The following LRRIQ1 variants were observed in gnomAD, a reference collection of about 807,000 sequenced individuals.
LRRIQ1 encodes leucine-rich repeat- and IQ domain-containing protein 1.
Under a neutral mutation model 211.9 loss-of-function variants are expected in LRRIQ1, and 210 were observed. That is an observed-to-expected ratio of 0.99 (90% CI 0.89 to 1.11). The LOEUF (loss-of-function observed/expected upper bound fraction) is 1.11, where lower values mean the gene tolerates loss of function less well. Ranked by LOEUF, LRRIQ1 falls within the 50% of genes most tolerant of loss-of-function variation. LRRIQ1 has a pLI of 0.00. For synonymous variants in LRRIQ1, 699 were observed against 650.1 expected (o/e 1.08, Z -1.14); for missense variants, 2,136 against 1,939.5 (o/e 1.10, Z -1.90).
chr12:85,172,304 T>C (rs1891459268), intron 24 of LRRIQ1, among the ~76,000 whole-genome samples: 1 of 152,196 alleles, frequency 6.6e-6, no homozygotes, highest in Non-Finnish European at 1.5e-5. Flanking sequence ...CTAGAAATTA[T>C]ATCCAAGTCT....
intron 24 of LRRIQ1, among the ~76,000 whole-genome samples, chr12:85,179,963 A>G (rs1412932057): frequency 2.0e-5 from 3 of 151,970 alleles, no homozygotes; most frequent in Non-Finnish European, 4.4e-5. Flanking sequence ...AGATTCATCT[A>G]TACTAGGCAC....
At chr12:85,161,301 G>A (rs1315845512) in intron 24 of LRRIQ1, among the ~76,000 whole-genome samples, 3 of 151,998 alleles carry the variant, frequency 2.0e-5, no homozygotes, top group Non-Finnish European at 4.4e-5. Context: ...CAAGCATGAT[G>A]CAAAACAGTG....
chr12:85,195,443 G>A (rs1472861564), intron 24 of LRRIQ1, among the ~76,000 whole-genome samples: 2 of 151,242 alleles, frequency 1.3e-5, no homozygotes, highest in Non-Finnish European at 3.0e-5. Context: ...CTGGCAAAAC[G>A]AATCCAGCAG....
intron 26 of LRRIQ1, among the ~76,000 whole-genome samples, chr12:85,235,925 C>T (rs761523365): frequency 6.6e-6 from 1 of 152,052 alleles, no homozygotes; most frequent in Non-Finnish European, 1.5e-5. Flanking sequence ...GACATAAAGG[C>T]TTAGTAAAAA....
At chr12:85,251,605 T>G (rs1222673447) in intron 1 of LRRIQ1, among the ~76,000 whole-genome samples, 1 of 151,942 alleles carries the variant, frequency 6.6e-6, no homozygotes, top group Non-Finnish European at 1.5e-5. Flanking sequence ...CAGCCTGGCA[T>G]AGTGGAAAGA....
chr12:85,183,393 A>T (rs961965377), intron 24 of LRRIQ1, among the ~76,000 whole-genome samples: 1 of 152,058 alleles, frequency 6.6e-6, no homozygotes, highest in Non-Finnish European at 1.5e-5. Flanking sequence ...CTGAAAAAAA[A>T]ATCATTTTAA....
intron 16 of LRRIQ1, among the ~76,000 whole-genome samples, chr12:85,122,866 G>T (rs539144687): frequency 6.6e-6 from 1 of 151,964 alleles, no homozygotes; most frequent in South Asian, 2.1e-4. Flanking sequence ...ATACAATTTT[G>T]TATGTAAAGG....
At chr12:85,126,532 T>A (rs891741527) in intron 17 of LRRIQ1, among the ~76,000 whole-genome samples, 56 of 152,182 alleles carry the variant, frequency 3.7e-4, no homozygotes, top group African/African-American at 1.3e-3. Context: ...GTGAATTATA[T>A]TTATATCAAA....
At chr12:85,264,904 G>C (rs184482446), downstream of LRRIQ1, among the ~76,000 whole-genome samples, 9 of 151,942 alleles carry the variant, frequency 5.9e-5, no homozygotes, top group Non-Finnish European at 1.0e-4. Context: ...CCATCCCACT[G>C]ATGTAACACT....
downstream of LRRIQ1, among the ~76,000 whole-genome samples, chr12:85,265,960 T>G (rs1896408758): frequency 6.6e-6 from 1 of 151,952 alleles, no homozygotes; most frequent in African/African-American, 2.4e-5. Context: ...CAAATCCTAG[T>G]TTATAAAACA....
intron 15 of LRRIQ1, among the ~76,000 whole-genome samples, chr12:85,113,907 T>G (rs932942320): frequency 2.1e-5 from 3 of 140,866 alleles, no homozygotes; most frequent in African/African-American, 5.5e-5. Context: ...CAAATGAGTT[T>G]TGTGTGTGTG....
chr12:85,160,661 C>G lies in LRRIQ1; in HGVS notation c.4769C>G (p.Ser1590Cys), dbSNP rs757328924. ...TTCAAAAACAATGAAAATAAAGTGTCTCTTCCAAAATCACCAAAGATGGTA... is the reference window on the plus strand; with the variant it reads ...TTCAAAAACAATGAAAATAAAGTGTGTCTTCCAAAATCACCAAAGATGGTA... ...ALFKNNENKVSLPKSPKMVQP... is the reference protein window; with the variant it reads ...ALFKNNENKVCLPKSPKMVQP... The change falls in exon 24 of 27, where the codon TCT (serine) becomes TGT (cysteine). Residue 1590 changes from serine to cysteine, a missense_variant. Transcript: ENST00000393217. 3 of 1,610,846 alleles carry G rather than the reference C, an allele frequency of 1.9e-6. No individual in the cohort carries two copies. Among genetic ancestry groups the G allele is most frequent in the Non-Finnish European group, 2.5e-6 (3 of 1,177,922 alleles).
Position 85,127,868 on chromosome 12 carries a change from T to C in LRRIQ1, c.4044T>C (p.Gly1348=), listed in dbSNP as rs1888482528. The change falls in exon 18 of 27, where the codon GGT becomes GGC. Residue 1348 remains glycine (G), a synonymous_variant. Transcript: ENST00000393217. The part of the protein sequence containing the change: ...AAVVIQSYWR[G]YLMRRQTHFS... Reference sequence around the variant, plus strand: ...TGGTAATCCAGTCATACTGGCGTGGTTACCTCATGCGCAGACAGACTCATT... The same window carrying C: ...TGGTAATCCAGTCATACTGGCGTGGCTACCTCATGCGCAGACAGACTCATT... 6.2e-7 allele frequency: 1 copy of C among 1,613,984 alleles called. No homozygotes were observed. Among genetic ancestry groups the C allele is most frequent in the African/African-American group, 1.3e-5 (1 of 74,902 alleles).
intron 26 of LRRIQ1, chr12:85,233,179 T>C (rs572276529): frequency 1.0e-5 from 2 of 195,042 alleles, no homozygotes; most frequent in Non-Finnish European, 2.1e-5. Flanking sequence ...TGTAATAAAG[T>C]GTAAAATATT....
At chr12:85,062,477 G>A (rs1881939322) in intron 8 of LRRIQ1, among the ~76,000 whole-genome samples, 1 of 151,644 alleles carries the variant, frequency 6.6e-6, no homozygotes, top group African/African-American at 2.4e-5. Flanking sequence ...TGTGTTAGTT[G>A]GCTTGGGATA....
At chr12:85,086,076 T>A (rs1436300702) in intron 11 of LRRIQ1, among the ~76,000 whole-genome samples, 1 of 152,216 alleles carries the variant, frequency 6.6e-6, no homozygotes, top group African/African-American at 2.4e-5. Context: ...CCCTTTTCTC[T>A]GCAACCTCTC....
chr12:85,215,127 TAAAC>T (rs1334949916), intron 24 of LRRIQ1, among the ~76,000 whole-genome samples: 16 of 151,942 alleles, frequency 1.1e-4, no homozygotes, highest in Admixed American at 1.1e-3. Flanking sequence ...CACAAACAAA[TAAAC>T]AACAAAAGCA....
intron 8 of LRRIQ1, among the ~76,000 whole-genome samples, chr12:85,059,295 G>A (rs1475732315): frequency 1.3e-5 from 2 of 151,912 alleles, no homozygotes; most frequent in East Asian, 1.9e-4. Context: ...TCGGATCTTC[G>A]TGTTGTTCAT....
intron 14 of LRRIQ1, 101 bp from the exon 15 acceptor site, chr12:85,106,421 C>A: frequency 3.8e-6 from 3 of 794,390 alleles, no homozygotes; most frequent in South Asian, 1.8e-5. Flanking sequence ...AAAAATATTG[C>A]TTTTCTTTAA....
Sources: allele counts gnomAD v4.1 joint callset (sites outside exome capture counted in the v4.1 genomes callset), GRCh38; gene constraint gnomAD v4.1.1; transcripts MANE v1.5; gene names NCBI Gene and HGNC (gene_info 2026-07-23, HGNC 2026-07-21).